PID1: variants seen among roughly 807,000 people sequenced by gnomAD.
PID1 encodes PTB-containing, cubilin and LRP1-interacting protein.
Under a neutral mutation model 19.1 loss-of-function variants are expected in PID1, and 10 were observed. That is an observed-to-expected ratio of 0.52 (90% confidence interval 0.32 to 0.89). The LOEUF (loss-of-function observed/expected upper bound fraction) is 0.89. Among genes scored for constraint, PID1 ranks in the 40% least tolerant of loss-of-function variants. PID1 has a pLI of 0.03. For missense variants in PID1, 248 were observed against 285.3 expected (o/e 0.87, Z 0.94); for synonymous variants, 130 against 116.0 (o/e 1.12, Z -0.78).
intron 1 of PID1, among the ~76,000 whole-genome samples, chr2:229,160,974 T>C (rs1212136741): frequency 6.6e-6 from 1 of 152,186 alleles, no homozygotes; most frequent in Non-Finnish European, 1.5e-5. Context: ...TTGGGGAAGC[T>C]TCTCCACTAC....
At chr2:229,113,461 CACAT>C (rs573357066) in intron 2 of PID1, among the ~76,000 whole-genome samples, 62 of 142,474 alleles carry the variant, frequency 4.4e-4, no homozygotes, top group African/African-American at 1.5e-3. Flanking sequence ...AACACACACA[CACAT>C]AGATATGTGT....
chr2:229,236,366 T>C (rs1351308533), intron 1 of PID1: 3 of 152,122 alleles, frequency 2.0e-5, no homozygotes, highest in Non-Finnish European at 4.4e-5. Flanking sequence ...TTTGGAGAGT[T>C]AGGCATCCCT....
intron 2 of PID1, among the ~76,000 whole-genome samples, chr2:229,046,011 C>T (rs959508709): frequency 6.6e-6 from 1 of 152,196 alleles, no homozygotes; most frequent in Non-Finnish European, 1.5e-5. Flanking sequence ...CATAGCCCAT[C>T]TCTGACCACC....
chr2:229,271,026 C>G lies in PID1; in HGVS notation c.18G>C (p.Thr6=). 1 of 1,543,062 alleles carries G rather than the reference C, an allele frequency of 6.5e-7. No individual in the cohort carries two copies. Among genetic ancestry groups the G allele is most frequent in the Non-Finnish European group, 8.7e-7 (1 of 1,144,056 alleles). ...GGGTGCCCCTTACCTGCAGGCGCTC[C>G]GTGGCCGGCTGCCACATCTTCCAGC... The part of the protein sequence containing the change: MWQPA[T]ERLQHFQTML... Residue 6 remains threonine (T), a synonymous_variant, in exon 1 of 3, where the codon ACG becomes ACC. Coordinates refer to ENST00000392055, the MANE Select transcript of PID1 (RefSeq NM_001100818.2).
intron 1 of PID1, chr2:229,262,628 G>T: frequency 6.5e-7 from 1 of 1,537,590 alleles, no homozygotes. Flanking sequence ...TAGGGCTGTT[G>T]TAACAAATAA....
intron 1 of PID1, among the ~76,000 whole-genome samples, chr2:229,175,259 C>T (rs1417963722): frequency 2.6e-5 from 4 of 152,162 alleles, no homozygotes; most frequent in African/African-American, 7.2e-5. Context: ...AAATCACACA[C>T]ACGGCAAGTC....
chr2:229,259,377 AT>A (rs765831322), intron 1 of PID1, among the ~76,000 whole-genome samples: 2 of 151,960 alleles, frequency 1.3e-5, no homozygotes, highest in Non-Finnish European at 2.9e-5. Context: ...ATAAAGTCCA[AT>A]TTTTTCTTTG....
chr2:229,251,698 A>T (rs1177066397), intron 1 of PID1, among the ~76,000 whole-genome samples: 1 of 152,196 alleles, frequency 6.6e-6, no homozygotes, highest in East Asian at 1.9e-4. Flanking sequence ...AAAAGCTTCA[A>T]ATCAAAATTA....
At chr2:229,139,324 G>A (rs757041052) in intron 2 of PID1, among the ~76,000 whole-genome samples, 25 of 151,940 alleles carry the variant, frequency 1.6e-4, no homozygotes, top group Non-Finnish European at 2.9e-4. Flanking sequence ...GCACAATCAT[G>A]AATGAGTCAA....
At chr2:229,160,116 T>C (rs1690462009) in intron 1 of PID1, among the ~76,000 whole-genome samples, 2 of 152,172 alleles carry the variant, frequency 1.3e-5, no homozygotes, top group Admixed American at 1.3e-4. Context: ...AGAGCATCAA[T>C]CCAACTTCTG....
At chr2:229,115,568 C>G (rs992084116) in intron 2 of PID1, among the ~76,000 whole-genome samples, 2 of 152,238 alleles carry the variant, frequency 1.3e-5, no homozygotes, top group Middle Eastern at 3.4e-3. Flanking sequence ...TGGTTTGAAT[C>G]CCTCAAGTAG....
intron 1 of PID1, among the ~76,000 whole-genome samples, chr2:229,164,143 G>A (rs1016618924): frequency 1.1e-4 from 16 of 152,050 alleles, no homozygotes; most frequent in Admixed American, 3.9e-4. Context: ...CAACTTTCTC[G>A]TTTATACTAA....
At chr2:229,203,450 A>G (rs1691541354) in intron 1 of PID1, among the ~76,000 whole-genome samples, 1 of 152,054 alleles carries the variant, frequency 6.6e-6, no homozygotes, top group Non-Finnish European at 1.5e-5. Context: ...TTTTCTTTAT[A>G]ACATTGATGA....
intron 1 of PID1, among the ~76,000 whole-genome samples, chr2:229,209,297 T>C (rs1691676495): frequency 1.3e-5 from 2 of 152,078 alleles, no homozygotes. Flanking sequence ...GTCACCAGAG[T>C]CTGCTTCTCT....
At chr2:229,231,510 C>G (rs1004609235) in intron 1 of PID1, among the ~76,000 whole-genome samples, 7 of 152,038 alleles carry the variant, frequency 4.6e-5, no homozygotes, top group Non-Finnish European at 8.8e-5. Context: ...AACGTGTGCT[C>G]TCTCTAATCC....
intron 1 of PID1, among the ~76,000 whole-genome samples, chr2:229,168,444 T>C (rs1690646183): frequency 1.3e-5 from 2 of 152,200 alleles, no homozygotes; most frequent in Admixed American, 6.5e-5. Context: ...GTGCTGAATC[T>C]ACTAATAAGC....
intron 2 of PID1, among the ~76,000 whole-genome samples, chr2:229,120,841 G>C (rs1384947504): frequency 6.6e-6 from 1 of 151,982 alleles, no homozygotes; most frequent in Non-Finnish European, 1.5e-5. Flanking sequence ...TCTTGCCCCT[G>C]TGAGACTAGA....
intron 1 of PID1, among the ~76,000 whole-genome samples, chr2:229,170,677 TGTAA>T (rs915849673): frequency 2.0e-5 from 3 of 152,192 alleles, no homozygotes; most frequent in Non-Finnish European, 2.9e-5. Context: ...GAAAGTTTAA[TGTAA>T]GTGATTTGTA....
intron 2 of PID1, among the ~76,000 whole-genome samples, chr2:229,147,595 T>C (rs956227666): frequency 3.3e-5 from 5 of 152,078 alleles, no homozygotes; most frequent in African/African-American, 1.2e-4. Context: ...ACATTATAAA[T>C]ATTTTCCATA....
Sources: allele counts gnomAD v4.1 joint callset (sites outside exome capture counted in the v4.1 genomes callset), GRCh38; gene constraint gnomAD v4.1.1; transcripts MANE v1.5; gene names NCBI Gene and HGNC (gene_info 2026-07-23, HGNC 2026-07-21).